The following FIRRM variants were observed in gnomAD, a reference collection of about 807,000 sequenced individuals.
FIRRM encodes the protein FIGNL1 interacting regulator of recombination and mitosis.
At chr1:169,821,667 T>C in the FIRRM span, 1 of 1,553,968 alleles carries the variant, frequency 6.4e-7, no homozygotes, top group South Asian at 1.2e-5. Flanking sequence ...CTTATTTCCC[T>C]TTTTGGATCA....
At chr1:169,789,255 C>G in the FIRRM span, among the ~76,000 whole-genome samples, 1 of 152,196 alleles carries the variant, frequency 6.6e-6, no homozygotes, top group Non-Finnish European at 1.5e-5. Flanking sequence ...CTTGCTATTC[C>G]TCTTTTTCAA....
At chr1:169,801,387 T>A in the FIRRM span, among the ~76,000 whole-genome samples, 1 of 148,538 alleles carries the variant, frequency 6.7e-6, no homozygotes, top group Admixed American at 6.8e-5. Context: ...GGAGGTTGCA[T>A]TGAGTCAAGA....
At chr1:169,788,573 T>C in the FIRRM span, among the ~76,000 whole-genome samples, 1 of 152,208 alleles carries the variant, frequency 6.6e-6, no homozygotes, top group Non-Finnish European at 1.5e-5. Flanking sequence ...AAGGTGTATG[T>C]GGACTTTCAA....
chr1:169,834,659 C>A, the FIRRM span, among the ~76,000 whole-genome samples: 1 of 151,994 alleles, frequency 6.6e-6, no homozygotes, highest in Non-Finnish European at 1.5e-5. Context: ...TAAATAACTT[C>A]CACAAATTCA....
chr1:169,853,622 G>C, the FIRRM span: 38 of 1,370,514 alleles, frequency 2.8e-5, 1 homozygote, highest in South Asian at 4.5e-4. Context: ...GGCCACTTTG[G>C]GGTTTTCTTG....
the FIRRM span, among the ~76,000 whole-genome samples, chr1:169,798,239 T>A: frequency 6.6e-6 from 1 of 151,324 alleles, no homozygotes; most frequent in Non-Finnish European, 1.5e-5. Context: ...TGTGATCATG[T>A]CACCGCACTC....
At chr1:169,840,329 A>G in the FIRRM span, among the ~76,000 whole-genome samples, 7 of 152,140 alleles carry the variant, frequency 4.6e-5, no homozygotes, top group Admixed American at 2.6e-4. Context: ...GGCCATTTTA[A>G]TGATACTGAC....
the FIRRM span, chr1:169,853,059 C>CAGAT: frequency 1.7e-5 from 25 of 1,476,140 alleles, no homozygotes; most frequent in South Asian, 7.1e-5. Context: ...CATTTTCTAA[C>CAGAT]AGATATAAAA....
chr1:169,826,991 C>G, the FIRRM span: 1 of 1,505,062 alleles, frequency 6.6e-7, no homozygotes, highest in East Asian at 2.3e-5. Context: ...ATAGTACTTA[C>G]TCTACCTAAA....
chr1:169,810,345 GC>G, the FIRRM span, among the ~76,000 whole-genome samples: 1 of 152,200 alleles, frequency 6.6e-6, no homozygotes, highest in East Asian at 1.9e-4. Context: ...TCCTGGGGTT[GC>G]CGTAACAAGT....
chr1:169,831,231 CAG>C, the FIRRM span, among the ~76,000 whole-genome samples: 1 of 152,082 alleles, frequency 6.6e-6, no homozygotes, highest in Non-Finnish European at 1.5e-5. Flanking sequence ...TGGGTACAGA[CAG>C]AAAATTATTT....
the FIRRM span, chr1:169,830,635 T>C: frequency 6.7e-7 from 1 of 1,498,264 alleles, no homozygotes; most frequent in East Asian, 2.3e-5. Context: ...TTATGCAAGT[T>C]CATCTCCTTA....
chr1:169,793,149 T>C, the FIRRM span: 1 of 1,614,222 alleles, frequency 6.2e-7, no homozygotes. Flanking sequence ...AATTTCACTT[T>C]GGCCTTTGTG....
At chr1:169,848,700 G>A in the FIRRM span, among the ~76,000 whole-genome samples, 1 of 152,182 alleles carries the variant, frequency 6.6e-6, no homozygotes, top group African/African-American at 2.4e-5. Context: ...CATCTGAGCT[G>A]TCTTCTTTTT....
At chr1:169,801,089 A>G in the FIRRM span, 1 of 569,176 alleles carries the variant, frequency 1.8e-6, no homozygotes, top group Middle Eastern at 4.6e-4. Context: ...AAATAAAAAT[A>G]AGGAGTAAGT....
the FIRRM span, chr1:169,795,076 T>G: frequency 6.6e-7 from 1 of 1,521,850 alleles, no homozygotes. Flanking sequence ...GCGGGTCTGG[T>G]TTGAAGCTCT....
chr1:169,839,591 G>A, the FIRRM span, among the ~76,000 whole-genome samples: 1 of 152,226 alleles, frequency 6.6e-6, no homozygotes, highest in East Asian at 1.9e-4. Flanking sequence ...TTCTAATGGG[G>A]TTGTTTTTTA....
the FIRRM span, chr1:169,793,698 T>G: frequency 1.3e-6 from 2 of 1,567,806 alleles, no homozygotes; most frequent in South Asian, 2.4e-5. Flanking sequence ...AAGGTCATCC[T>G]CTTATTAAAT....
the FIRRM span, chr1:169,850,416 A>G: frequency 1.9e-6 from 2 of 1,038,672 alleles, no homozygotes; most frequent in East Asian, 2.5e-5. Context: ...TGTAACTGTA[A>G]CCAACCTGAG....
Sources: allele counts gnomAD v4.1 joint callset (sites outside exome capture counted in the v4.1 genomes callset), GRCh38; gene constraint gnomAD v4.1.1; transcripts MANE v1.5; gene names NCBI Gene and HGNC (gene_info 2026-07-23, HGNC 2026-07-21).